The following ZNF17 variants were observed in gnomAD, a reference collection of about 807,000 sequenced individuals.
ZNF17 encodes zinc finger protein 17 (HPF3, KOX 10).
ZNF17 carries 4 observed loss-of-function variants against 7.7 expected under a neutral mutation model. That is an observed-to-expected ratio of 0.52 (90% CI 0.26 to 1.20). The LOEUF (loss-of-function observed/expected upper bound fraction) is 1.20, where lower values mean the gene tolerates loss of function less well. Ranked by LOEUF, ZNF17 falls within the 50% of genes most tolerant of loss-of-function variation. The pLI is 0.14. For synonymous variants in ZNF17, 249 were observed against 258.8 expected, an observed-to-expected ratio of 0.96 and a Z score of 0.36; for missense variants, 738 against 799.5, an observed-to-expected ratio of 0.92 and a Z score of 0.93.
At chr19:57,411,752 A>G in intron 1 of ZNF17, 1 of 1,037,606 alleles carries the variant, frequency 9.6e-7, no homozygotes, top group South Asian at 3.8e-5. Context: ...AAAGTTGGGA[A>G]AAACAGGATG....
At chr19:57,415,825 C>G (rs2088808014) in intron 2 of ZNF17, among the ~76,000 whole-genome samples, 1 of 152,094 alleles carries the variant, frequency 6.6e-6, no homozygotes, top group Non-Finnish European at 1.5e-5. Flanking sequence ...GCTTAGTACC[C>G]TATTATGGAC....
At position 57,420,971 on chromosome 19, in the gene ZNF17, T is replaced by C. The variant is rs2088847037; in HGVS notation, c.1485T>C (p.Thr495=). ...TGAAGAGTCATCAGAGAGTTCACACTGGAGAAAGACCTTTTGAATGCAGCA... is the reference window on the plus strand; with the variant it reads ...TGAAGAGTCATCAGAGAGTTCACACCGGAGAAAGACCTTTTGAATGCAGCA... The part of the protein sequence containing the change: ...CTLKSHQRVH[T]GERPFECSIC... The change falls in exon 4 of 4, where the codon ACT becomes ACC. Residue 495 remains threonine, a synonymous_variant. Coordinates refer to ENST00000307658, the MANE Select transcript of ZNF17 (RefSeq NM_001330617.2). 6.2e-7 allele frequency: 1 copy of C among 1,614,046 alleles called. No homozygotes were observed. Among genetic ancestry groups the C allele is most frequent in the South Asian group, 1.1e-5 (1 of 91,088 alleles).
chr19:57,414,366 ACT>A (rs750452632), intron 2 of ZNF17, among the ~76,000 whole-genome samples: 137 of 144,210 alleles, frequency 9.5e-4, no homozygotes, highest in South Asian at 1.8e-3. Flanking sequence ...ACAGAGGCTA[ACT>A]CTGTCGCCCA....
intron 2 of ZNF17, among the ~76,000 whole-genome samples, chr19:57,414,459 C>G (rs77485589): frequency 1.3e-5 from 2 of 151,966 alleles, no homozygotes; most frequent in African/African-American, 4.8e-5. Flanking sequence ...CTCAGCCTTC[C>G]AAGTAGCTGG....
Position 57,420,810 on chromosome 19 carries a change from A to G in ZNF17, c.1324A>G (p.Lys442Glu), listed in dbSNP as rs748851490. ...IIHQRVHTGE[K>E]PYECNKCGKF... ...TCATCAGAGAGTTCATACTGGAGAA[A>G]AGCCTTATGAATGCAACAAATGTGG... The change falls in exon 4 of 4, where the codon AAG (lysine) becomes GAG (glutamate). Residue 442 changes from lysine (K) to glutamate (E), a missense_variant. This residue lies in a region of ZNF17 where 616 missense variants were observed against 663.9 expected (regional missense o/e 0.93). Coordinates refer to ENST00000307658, the MANE Select transcript of ZNF17 (RefSeq NM_001330617.2). 1.7e-5 allele frequency: 28 copies of G among 1,614,008 alleles called. No homozygotes were observed. Among genetic ancestry groups the G allele is most frequent in the Non-Finnish European group, 2.4e-5 (28 of 1,180,044 alleles).
chr19:57,421,025 C>G lies in ZNF17; in HGVS notation c.1539C>G (p.Ser513=), dbSNP rs766307976. 1 of 1,613,988 alleles carries G rather than the reference C, an allele frequency of 6.2e-7. No homozygotes were observed. Among genetic ancestry groups the G allele is most frequent in the South Asian group, 1.1e-5 (1 of 91,072 alleles). ...GTGGGAAATCCTTTAGATGTCGCTC[C>G]ACACTTGATACACATCAGAGAATTC... ...SICGKSFRCR[S]TLDTHQRIHT... The change falls in exon 4 of 4, where the codon TCC becomes TCG. Residue 513 remains serine, a synonymous_variant. Transcript: ENST00000307658.
chr19:57,421,261 T>A lies in ZNF17; in HGVS notation c.1775T>A (p.Phe592Tyr). The change falls in exon 4 of 4, where the codon TTT (phenylalanine) becomes TAT (tyrosine). Residue 592 changes from phenylalanine (F) to tyrosine (Y), a missense_variant. Around this residue, in one of 3 missense-constraint regions of ZNF17, gnomAD observed 116 missense variants for 114.0 expected, o/e 1.02. Coordinates refer to ENST00000307658, the MANE Select transcript of ZNF17 (RefSeq NM_001330617.2). The stretch of plus-strand genomic sequence containing the variant: ...TACAAATGCAGCAAATGTGGGAAAT[T>A]TTTTATGGACAGCTCCACACTCATT... Reference protein sequence around the residue: ...RTYKCSKCGKFFMDSSTLISH... With the variant: ...RTYKCSKCGKYFMDSSTLISH... 6.2e-7 allele frequency: 1 copy of A among 1,613,906 alleles called. No homozygotes were observed. The highest frequency in any genetic ancestry group is 8.5e-7 in the Non-Finnish European group (1 of 1,179,980).
At chr19:57,418,082 T>A in intron 3 of ZNF17, 44 bp downstream of exon 3, 1 of 1,580,436 alleles carries the variant, frequency 6.3e-7, no homozygotes, top group Non-Finnish European at 8.6e-7. Context: ...CTGGGCAATG[T>A]TTTTTCACTT....
intron 2 of ZNF17, among the ~76,000 whole-genome samples, chr19:57,415,883 G>A (rs1259317264): frequency 2.0e-5 from 3 of 152,074 alleles, no homozygotes; most frequent in East Asian, 3.9e-4. Flanking sequence ...GTAGTTTCAC[G>A]CGAACTCTGA....
intron 2 of ZNF17, among the ~76,000 whole-genome samples, chr19:57,417,120 G>C (rs2088815691): frequency 6.6e-6 from 1 of 152,094 alleles, no homozygotes. Context: ...CAATTGGTGA[G>C]AAATCATACC....
intron 2 of ZNF17, among the ~76,000 whole-genome samples, chr19:57,416,281 G>T (rs2088810887): frequency 6.6e-6 from 1 of 152,118 alleles, no homozygotes; most frequent in African/African-American, 2.4e-5. Flanking sequence ...CTCCCAGTTG[G>T]GCTGTGGTGG....
Position 57,417,949 on chromosome 19 carries a change from C to T in ZNF17, c.59C>T (p.Ser20Phe), listed in dbSNP as rs1366865618. 1 of 1,613,842 alleles carries T rather than the reference C, an allele frequency of 6.2e-7. No individual in the cohort carries two copies. The highest frequency in any genetic ancestry group is 1.3e-5 in the African/African-American group (1 of 74,824). Residue 20 changes from serine (S) to phenylalanine (F), a missense_variant, in exon 3 of 4, where the codon TCC (serine) becomes TTC (phenylalanine). This residue lies in a region of ZNF17 where 616 missense variants were observed against 663.9 expected (regional missense o/e 0.93). Coordinates refer to ENST00000307658, the MANE Select transcript of ZNF17 (RefSeq NM_001330617.2). ...TTTGAGGACGTGGCCATACATTTCT[C>T]CCAGGAGGAGTGGGGAATTCTTAAT... ...MVFEDVAIHF[S>F]QEEWGILNDV...
rs1277594047 is a variant in ZNF17, at chr19:57,411,254, G to A, written c.-173G>A. 17 of 1,274,396 alleles carry A rather than the reference G, an allele frequency of 1.3e-5. 1 individual carries two copies. In the South Asian group the frequency reaches 2.1e-4, roughly 16 times the overall value. The allele number at this position is 1,274,396 out of a possible 1,614,324, so 78.9% of individuals were successfully genotyped here. A position where few individuals can be genotyped will look rare whatever the true frequency, so the allele number is the denominator to read the frequency against. The stretch of plus-strand genomic sequence containing the variant: ...GAGGTGAAAAAGCGGAAAAACGCGA[G>A]AAAAGGTTTCCCCGTTGTACAGAGG... On this transcript the variant is annotated 5_prime_UTR_variant, in exon 1 of 4. Coordinates refer to ENST00000307658, the MANE Select transcript of ZNF17 (RefSeq NM_001330617.2).
At position 57,413,755 on chromosome 19, in the gene ZNF17, GAGCCTGTAGTTCCACC is replaced by G. The variant is rs2088793597; in HGVS notation, c.21+122_21+137del. The G allele has an allele frequency of 3.1e-6, 4 of 1,282,526 alleles. No individual in the cohort carries two copies. The East Asian group carries it at 1.0e-4, about 32-fold the overall frequency. 79.4% of individuals were successfully genotyped at this position (1,282,526 alleles called of 1,614,324 possible). A position where few individuals can be genotyped will look rare whatever the true frequency, so the allele number is the denominator to read the frequency against. On this transcript the variant is annotated intron_variant, in intron 2 of 3. Transcript: ENST00000307658. ...CTTCTCTCTCCCTTGGGTCCAAGGAGAGCCTGTAGTTCCACCAGACCTGGGTTCCAAACTCAGTGCC... is the reference window on the plus strand; with the variant it reads ...CTTCTCTCTCCCTTGGGTCCAAGGAGAGACCTGGGTTCCAAACTCAGTGCC...
intron 3 of ZNF17, chr19:57,419,316 T>C (rs2088831895): frequency 7.8e-6 from 2 of 256,832 alleles, no homozygotes; most frequent in Non-Finnish European, 1.5e-5. Flanking sequence ...TCTCTGGGTC[T>C]GGACACAGTC....
rs753962664 is a variant in ZNF17 at position 57,419,657 on chromosome 19, T to C, written c.171T>C (p.Asp57=). ...TAGGTTGTTGGCATGGAGCCAAGGA[T>C]GAGGAGGCACCTTCCAAGCAATGTG... The part of the protein sequence containing the change: ...SSVGCWHGAK[D]EEAPSKQCVS... The change falls in exon 4 of 4, where the codon GAT becomes GAC. Residue 57 remains aspartate (D), a synonymous_variant. Coordinates refer to ENST00000307658, the MANE Select transcript of ZNF17 (RefSeq NM_001330617.2). The C allele has an allele frequency of 7.4e-6, 12 of 1,613,022 alleles. No individual in the cohort carries two copies. In the African/African-American group the frequency reaches 1.6e-4, roughly 22 times the overall value.
In ZNF17 at chr19:57,420,990, T is replaced by G. The variant is rs1246374539; in HGVS notation, c.1504T>G (p.Cys502Gly). The G allele has an allele frequency of 1.9e-6, 3 of 1,614,190 alleles. No individual in the cohort carries two copies. The highest frequency in any genetic ancestry group is 1.7e-6 in the Non-Finnish European group (2 of 1,180,032). Residue 502 changes from cysteine to glycine, a missense_variant, in exon 4 of 4, where the codon TGC becomes GGC. Physicochemically the swap from Cys to Gly is radical, Grantham distance 159 (BLOSUM62 -3). Coordinates refer to ENST00000307658, the MANE Select transcript of ZNF17 (RefSeq NM_001330617.2). ...TCACACTGGAGAAAGACCTTTTGAA[T>G]GCAGCATTTGTGGGAAATCCTTTAG... is the stretch of plus-strand genomic sequence containing the variant. ...RVHTGERPFE[C>G]SICGKSFRCR...
chr19:57,420,024 C>T lies in ZNF17; in HGVS notation c.538C>T (p.His180Tyr), dbSNP rs749384061. 3.1e-6 allele frequency: 5 copies of T among 1,614,188 alleles called. No individual in the cohort carries two copies. Among genetic ancestry groups the T allele is most frequent in the South Asian group, 1.1e-5 (1 of 91,082 alleles). Residue 180 changes from histidine (H) to tyrosine (Y), a missense_variant, in exon 4 of 4, where the codon CAT becomes TAT. This residue lies in a region of ZNF17 where 616 missense variants were observed against 663.9 expected (regional missense o/e 0.93). Transcript: ENST00000307658. ...HSGWKPHRDT[H>Y]GVEAFQSGQN... The stretch of plus-strand genomic sequence containing the variant: ...TGGGTGGAAGCCACACAGGGACACT[C>T]ATGGTGTGGAGGCCTTTCAAAGTGG...
Position 57,421,448 on chromosome 19 carries a change from T to C in ZNF17, c.1962T>C (p.His654=), listed in dbSNP as rs755132781. Residue 654 remains histidine, a synonymous_variant, in exon 4 of 4, where the codon CAT becomes CAC. Transcript: ENST00000307658. ...GAAGAGTCTTTAACCAAAATTCTCA[T>C]CTCATTCAGCACCAGAAAGTTCACA... ...ECGRVFNQNS[H]LIQHQKVHTR 6.2e-7 allele frequency: 1 copy of C among 1,611,308 alleles called. No homozygotes were observed. Among genetic ancestry groups the C allele is most frequent in the African/African-American group, 1.3e-5 (1 of 74,820 alleles).
Sources: gnomAD v4.1 joint callset for allele counts (sites outside exome capture counted in the v4.1 genomes callset) on GRCh38, gnomAD v4.1.1 for gene constraint, gnomAD v4.1.1 regional missense constraint, MANE v1.5 for transcripts, NCBI Gene and HGNC (gene_info 2026-07-23, HGNC 2026-07-21) for gene names.